AHCYL2: variants seen among roughly 807,000 people sequenced by gnomAD.
The protein encoded by AHCYL2 is adenosylhomocysteinase like 2, also known as S-adenosylhomocysteine hydrolase-like protein 2.
In AHCYL2, 28 loss-of-function variants were observed where a neutral mutation model predicts 81.4. The ratio of observed to expected loss-of-function variants is 0.34; its 90% CI spans 0.25 to 0.47. The LOEUF is 0.47. Among genes scored for constraint, AHCYL2 ranks in the 20% least tolerant of loss-of-function variants. The pLI is 1.00. For synonymous variants in AHCYL2, 272 were observed against 290.2 expected (o/e 0.94, Z 0.64); for missense variants, 551 against 785.1 (o/e 0.70, Z 3.56).
intron 1 of AHCYL2, among the ~76,000 whole-genome samples, chr7:129,250,260 G>A (rs1336004615): frequency 6.6e-6 from 1 of 152,216 alleles, no homozygotes; most frequent in Non-Finnish European, 1.5e-5. Context: ...ATGACAGAGT[G>A]AGACCCTGTC....
chr7:129,345,174 A>G (rs1401712200), intron 1 of AHCYL2, among the ~76,000 whole-genome samples: 4 of 152,136 alleles, frequency 2.6e-5, no homozygotes, highest in Admixed American at 1.3e-4. Context: ...TCAGTGGGAG[A>G]GGGTAAGAAG....
intron 1 of AHCYL2, among the ~76,000 whole-genome samples, chr7:129,235,714 T>A (rs1184333341): frequency 1.3e-5 from 2 of 152,206 alleles, no homozygotes; most frequent in East Asian, 3.8e-4. Context: ...TGTACATAAA[T>A]AAAAGCATAC....
intron 1 of AHCYL2, among the ~76,000 whole-genome samples, chr7:129,252,280 G>C (rs1230928483): frequency 6.6e-6 from 1 of 152,264 alleles, no homozygotes; most frequent in South Asian, 2.1e-4. Flanking sequence ...AGATCCCAAG[G>C]GCTTTCAGGC....
chr7:129,241,823 G>A (rs1449262456), intron 1 of AHCYL2, among the ~76,000 whole-genome samples: 1 of 151,978 alleles, frequency 6.6e-6, no homozygotes, highest in Non-Finnish European at 1.5e-5. Context: ...TTCAAGACCA[G>A]CCTGGGCAAC....
chr7:129,320,204 T>C (rs934956124), intron 1 of AHCYL2, among the ~76,000 whole-genome samples: 6 of 152,188 alleles, frequency 3.9e-5, no homozygotes, highest in Non-Finnish European at 8.8e-5. Flanking sequence ...AATTGGGTTG[T>C]TTGTCTTTTT....
At chr7:129,396,079 GGTTTGTGTGT>G (rs933412273) in intron 4 of AHCYL2, among the ~76,000 whole-genome samples, 3 of 151,956 alleles carry the variant, frequency 2.0e-5, no homozygotes, top group Non-Finnish European at 4.4e-5. Flanking sequence ...CAGTTTTTGG[GGTTTGTGTGT>G]GTTTGTGTGT....
chr7:129,259,390 C>T (rs919789412), intron 1 of AHCYL2, among the ~76,000 whole-genome samples: 4 of 151,938 alleles, frequency 2.6e-5, no homozygotes, highest in African/African-American at 9.7e-5. Flanking sequence ...GTCTTTTGTA[C>T]TCCTAACCTT....
At chr7:129,322,612 G>T (rs1395551304) in intron 1 of AHCYL2, among the ~76,000 whole-genome samples, 2 of 151,098 alleles carry the variant, frequency 1.3e-5, no homozygotes, top group Non-Finnish European at 2.9e-5. Context: ...TTTTTTTTGA[G>T]ACAGGGTCTC....
intron 1 of AHCYL2, among the ~76,000 whole-genome samples, chr7:129,296,350 A>G (rs189574284): frequency 2.6e-5 from 4 of 152,342 alleles, no homozygotes; most frequent in African/African-American, 9.6e-5. Context: ...TTCCCAAAGA[A>G]TCACAAACAT....
At chr7:129,292,177 T>G (rs545318411) in intron 1 of AHCYL2, among the ~76,000 whole-genome samples, 78 of 152,294 alleles carry the variant, frequency 5.1e-4, no homozygotes, top group African/African-American at 1.7e-3. Context: ...TTCCCTTTGA[T>G]TAGATAATTA....
intron 1 of AHCYL2, among the ~76,000 whole-genome samples, chr7:129,313,146 G>A (rs1797719622): frequency 6.6e-6 from 1 of 152,162 alleles, no homozygotes; most frequent in Non-Finnish European, 1.5e-5. Context: ...GTAAGTGTTC[G>A]ATAAATATTA....
chr7:129,225,138 A>G lies in AHCYL2; in HGVS notation c.62A>G (p.Asp21Gly), dbSNP rs1210978019. ...AAKVPEVELKDLSPSEAESQL... is the reference protein window; with the variant it reads ...AAKVPEVELKGLSPSEAESQL... The stretch of plus-strand genomic sequence containing the variant: ...AAGGTGCCTGAGGTGGAGCTGAAGG[A>G]CCTGAGCCCCTCCGAGGCGGAGTCG... Residue 21 changes from aspartate (D) to glycine (G), a missense_variant, in exon 1 of 17, where the codon GAC becomes GGC. Physicochemically the swap from Asp to Gly is moderately conservative, Grantham distance 94. Coordinates refer to ENST00000325006, the MANE Select transcript of AHCYL2 (RefSeq NM_015328.4). The G allele has an allele frequency of 6.2e-7, 1 of 1,602,540 alleles. No individual in the cohort carries two copies. The highest frequency in any genetic ancestry group is 8.5e-7 in the Non-Finnish European group (1 of 1,175,972).
chr7:129,251,709 A>G (rs1795256896), intron 1 of AHCYL2, among the ~76,000 whole-genome samples: 1 of 152,102 alleles, frequency 6.6e-6, no homozygotes, highest in Non-Finnish European at 1.5e-5. Context: ...CACCTCAGTG[A>G]TGCTCCAGTA....
intron 1 of AHCYL2, among the ~76,000 whole-genome samples, chr7:129,352,688 T>C (rs183421227): frequency 1.3e-5 from 2 of 152,326 alleles, no homozygotes; most frequent in Admixed American, 6.5e-5. Flanking sequence ...CTTGCTTTTC[T>C]CCACCTTTGC....
At chr7:129,395,107 A>G (rs1795663050) in intron 4 of AHCYL2, among the ~76,000 whole-genome samples, 1 of 152,204 alleles carries the variant, frequency 6.6e-6, no homozygotes, top group Non-Finnish European at 1.5e-5. Flanking sequence ...TTCATTGTAT[A>G]TCAACAAAGG....
Position 129,225,133 on chromosome 7 carries a change from G to A in AHCYL2, c.57G>A (p.Leu19=), listed in dbSNP as rs1794158070. ...CCGCCAAGGTGCCTGAGGTGGAGCTGAAGGACCTGAGCCCCTCCGAGGCGG... is the reference window on the plus strand; with the variant it reads ...CCGCCAAGGTGCCTGAGGTGGAGCTAAAGGACCTGAGCCCCTCCGAGGCGG... ...AAAAKVPEVE[L]KDLSPSEAES... Residue 19 remains leucine, a synonymous_variant, in exon 1 of 17, where the codon CTG becomes CTA. Transcript: ENST00000325006. 1.9e-6 allele frequency: 3 copies of A among 1,602,852 alleles called. No individual in the cohort carries two copies. Among genetic ancestry groups the A allele is most frequent in the African/African-American group, 1.3e-5 (1 of 74,736 alleles).
intron 1 of AHCYL2, among the ~76,000 whole-genome samples, chr7:129,362,419 C>T (rs1183462181): frequency 6.6e-6 from 1 of 151,908 alleles, no homozygotes; most frequent in Non-Finnish European, 1.5e-5. Flanking sequence ...TCAACAATGC[C>T]GGTGTCTGTG....
At chr7:129,267,929 G>C (rs889218670) in intron 1 of AHCYL2, among the ~76,000 whole-genome samples, 1 of 152,050 alleles carries the variant, frequency 6.6e-6, no homozygotes, top group East Asian at 1.9e-4. Flanking sequence ...CCTATAACAT[G>C]GGAGTAGAAA....
Position 129,281,541 on chromosome 7 carries a change from G to A in AHCYL2, c.363+56102G>A, listed in dbSNP as rs1356688869. Among the ~76,000 whole-genome samples, 3 of 135,904 alleles carry A rather than the reference G, an allele frequency of 2.2e-5. No homozygotes were observed. The Admixed American group carries it at 2.4e-4, about 11-fold the overall frequency. The allele number at this position is 135,904 out of a possible 152,430, so 89.2% of individuals were successfully genotyped here. A position where few individuals can be genotyped will look rare whatever the true frequency, so the allele number is the denominator to read the frequency against. On this transcript the variant is annotated intron_variant, in intron 1 of 16. Coordinates refer to ENST00000325006, the MANE Select transcript of AHCYL2 (RefSeq NM_015328.4). ...AGACAGGGTCTCCCTCTGTCACCCA[G>A]GCTAGAGTGCAATGGCGTGATCTCG...
Sources: gnomAD v4.1 joint callset for allele counts (sites outside exome capture counted in the v4.1 genomes callset) on GRCh38, gnomAD v4.1.1 for gene constraint, MANE v1.5 for transcripts, NCBI Gene and HGNC (gene_info 2026-07-23, HGNC 2026-07-21) for gene names.